HMGA2: variants seen among roughly 807,000 people sequenced by gnomAD.
HMGA2 encodes the protein high mobility group protein HMGI-C.
In HMGA2, 8 loss-of-function variants were observed where a neutral mutation model predicts 19.1. The observed-to-expected ratio is 0.42, with a 90% CI of 0.25 to 0.76. The LOEUF (loss-of-function observed/expected upper bound fraction) is 0.76, where lower values mean the gene tolerates loss of function less well. Ranked by LOEUF, HMGA2 falls within the 30% of genes least tolerant of loss-of-function variation. The pLI, the probability that HMGA2 is intolerant of heterozygous loss-of-function variation, is 0.28. For synonymous variants in HMGA2, 60 were observed against 48.8 expected, an observed-to-expected ratio of 1.23 and a Z score of -0.96; for missense variants, 109 against 136.3, an observed-to-expected ratio of 0.80 and a Z score of 1.00.
chr12:65,898,696 T>C (rs1874239246), intron 3 of HMGA2, among the ~76,000 whole-genome samples: 1 of 152,144 alleles, frequency 6.6e-6, no homozygotes, highest in Non-Finnish European at 1.5e-5. Context: ...ATGATTCACA[T>C]TATCCTTAAT....
intron 3 of HMGA2, among the ~76,000 whole-genome samples, chr12:65,861,265 C>T (rs929298705): frequency 3.3e-5 from 5 of 152,110 alleles, no homozygotes; most frequent in Non-Finnish European, 7.4e-5. Flanking sequence ...ACTTGGGAGG[C>T]TGAGGCAGGA....
chr12:65,956,278 T>C (rs1342213938), intron 4 of HMGA2: 1 of 152,238 alleles, frequency 6.6e-6, no homozygotes, highest in Non-Finnish European at 1.5e-5. Context: ...TAGTACCAAC[T>C]GGCAAAACAT....
intron 3 of HMGA2, among the ~76,000 whole-genome samples, chr12:65,937,375 C>G (rs757114828): frequency 6.6e-6 from 1 of 152,020 alleles, no homozygotes; most frequent in Non-Finnish European, 1.5e-5. Context: ...ATAGTTATGA[C>G]TGGGCAGCAG....
chr12:65,828,278 G>T, intron 2 of HMGA2, 191 bp downstream of exon 2: 1 of 433,420 alleles, frequency 2.3e-6, no homozygotes, highest in Non-Finnish European at 4.4e-6. Flanking sequence ...AGCATAAAAA[G>T]TTTATGAAGA....
intron 3 of HMGA2, among the ~76,000 whole-genome samples, chr12:65,929,875 A>C (rs1162400762): frequency 6.6e-6 from 1 of 152,154 alleles, no homozygotes; most frequent in East Asian, 1.9e-4. Flanking sequence ...AGTTGAATGC[A>C]TTTTTGTAAT....
intron 3 of HMGA2, among the ~76,000 whole-genome samples, chr12:65,894,822 G>C (rs1874056858): frequency 6.6e-6 from 1 of 152,144 alleles, no homozygotes. Flanking sequence ...AAACAGTGAT[G>C]CAATAACCCC....
At chr12:65,924,858 T>C (rs1875449902) in intron 3 of HMGA2, among the ~76,000 whole-genome samples, 1 of 152,176 alleles carries the variant, frequency 6.6e-6, no homozygotes, top group African/African-American at 2.4e-5. Flanking sequence ...TCCAACTCTC[T>C]CCCAGCCTTT....
chr12:65,885,100 C>T (rs758319387), intron 3 of HMGA2, among the ~76,000 whole-genome samples: 94 of 152,086 alleles, frequency 6.2e-4, no homozygotes, highest in Admixed American at 1.2e-3. Context: ...CTCTTTAGCT[C>T]TGTAGTAAGT....
chr12:65,914,644 T>TAA, intron 3 of HMGA2: 1 of 282,490 alleles, frequency 3.5e-6, no homozygotes. Flanking sequence ...AAAGTATAAT[T>TAA]AAAAAAAAAT....
intron 4 of HMGA2, among the ~76,000 whole-genome samples, chr12:65,960,329 C>T (rs1180316147): frequency 1.3e-5 from 2 of 152,218 alleles, no homozygotes; most frequent in Non-Finnish European, 2.9e-5. Context: ...TCCCTCTTTG[C>T]ACCACAGAAG....
At chr12:65,869,196 T>A (rs1872584271) in intron 3 of HMGA2, among the ~76,000 whole-genome samples, 1 of 152,204 alleles carries the variant, frequency 6.6e-6, no homozygotes, top group African/African-American at 2.4e-5. Context: ...GTATTTATCA[T>A]TTAAATTAGG....
chr12:65,951,481 G>A, intron 4 of HMGA2, 66 bp downstream of exon 4: 2 of 993,610 alleles, frequency 2.0e-6, no homozygotes, highest in East Asian at 2.6e-5. Flanking sequence ...ACTGAAAAAT[G>A]TCCCCAAACT....
At chr12:65,898,079 G>A (rs1473350898) in intron 3 of HMGA2, among the ~76,000 whole-genome samples, 1 of 152,042 alleles carries the variant, frequency 6.6e-6, no homozygotes, top group African/African-American at 2.4e-5. Flanking sequence ...TTGACTTCCT[G>A]GCTAAGTGTA....
At chr12:65,939,814 A>G (rs886695168) in intron 3 of HMGA2, among the ~76,000 whole-genome samples, 1 of 152,228 alleles carries the variant, frequency 6.6e-6, no homozygotes, top group African/African-American at 2.4e-5. Flanking sequence ...AAGGGATTAA[A>G]GGCAAGAGAC....
At chr12:65,929,847 G>A (rs1462154805) in intron 3 of HMGA2, among the ~76,000 whole-genome samples, 5 of 152,110 alleles carry the variant, frequency 3.3e-5, no homozygotes, top group Admixed American at 1.3e-4. Flanking sequence ...TGCCCTTACC[G>A]AGATAAAATC....
intron 3 of HMGA2, 85 bp from the exon 4 acceptor site, chr12:65,951,298 G>T: frequency 1.3e-6 from 1 of 797,184 alleles, no homozygotes; most frequent in East Asian, 2.7e-5. Context: ...TTGCAGACAA[G>T]TATCTGTATT....
chr12:65,935,973 C>T lies in HMGA2; in HGVS notation c.250-15410C>T, dbSNP rs562352630. ...TTAAGGCACTGCATTCTTGATGCAG[C>T]GTCCTGTTACAGTAATATTATGAAA... On this transcript the variant is annotated intron_variant, in intron 3 of 4. Transcript: ENST00000403681. Among the ~76,000 whole-genome samples, 51 of 152,126 alleles carry T rather than the reference C, an allele frequency of 3.4e-4. 1 individual carries two copies. The highest frequency in any genetic ancestry group is 5.9e-4 in the Non-Finnish European group (40 of 68,010).
At chr12:65,836,233 C>T (rs887292292) in intron 2 of HMGA2, among the ~76,000 whole-genome samples, 2 of 152,084 alleles carry the variant, frequency 1.3e-5, no homozygotes, top group Admixed American at 6.6e-5. Context: ...GTGGCAGGCG[C>T]CTGTAGTCCC....
intron 3 of HMGA2, among the ~76,000 whole-genome samples, chr12:65,874,411 A>G (rs1872868744): frequency 6.6e-6 from 1 of 152,194 alleles, no homozygotes; most frequent in South Asian, 2.1e-4. Context: ...TGAATACTCA[A>G]GAAATTTTAA....
Sources: allele counts gnomAD v4.1 joint callset (sites outside exome capture counted in the v4.1 genomes callset), GRCh38; gene constraint gnomAD v4.1.1; transcripts MANE v1.5; gene names NCBI Gene and HGNC (gene_info 2026-07-23, HGNC 2026-07-21).